CDIN1: variants seen among roughly 807,000 people sequenced by gnomAD.
CDIN1 encodes the protein CDAN1-interacting nuclease 1.
In CDIN1, 33 loss-of-function variants were observed where a neutral mutation model predicts 45.3. The ratio of observed to expected loss-of-function variants is 0.73; its 90% confidence interval spans 0.55 to 0.97. The LOEUF (loss-of-function observed/expected upper bound fraction) is 0.97, where lower values mean the gene tolerates loss of function less well. Among genes scored for constraint, CDIN1 ranks in the 50% least tolerant of loss-of-function variants. The pLI, the probability that CDIN1 is intolerant of heterozygous loss-of-function variation, is 0.00. For synonymous variants in CDIN1, 118 were observed against 124.4 expected (o/e 0.95, Z 0.34); for missense variants, 303 against 339.4 (o/e 0.89, Z 0.84).
At chr15:36,633,549 T>A (rs984197375) in intron 1 of CDIN1, among the ~76,000 whole-genome samples, 3 of 152,210 alleles carry the variant, frequency 2.0e-5, no homozygotes, top group Admixed American at 2.0e-4. Flanking sequence ...TCTATGCTGA[T>A]ACCTGGTTAG....
chr15:36,644,397 A>C, intron 2 of CDIN1, 74 bp downstream of exon 2: 1 of 1,458,394 alleles, frequency 6.9e-7, no homozygotes, highest in Non-Finnish European at 9.5e-7. Flanking sequence ...TTTCTTTGTA[A>C]TTGAACTGCC....
At chr15:36,705,477 A>C (rs970873607) in intron 8 of CDIN1, 1 of 152,176 alleles carries the variant, frequency 6.6e-6, no homozygotes, top group Non-Finnish European at 1.5e-5. Flanking sequence ...CTTGGTTGAC[A>C]TGGGCACATA....
intron 10 of CDIN1, among the ~76,000 whole-genome samples, chr15:36,748,777 T>C (rs1365864029): frequency 6.6e-6 from 1 of 152,006 alleles, no homozygotes; most frequent in Non-Finnish European, 1.5e-5. Flanking sequence ...GATTTGAGGG[T>C]CAGTTTTTTA....
intron 3 of CDIN1, among the ~76,000 whole-genome samples, chr15:36,649,368 A>G (rs1198180536): frequency 6.6e-6 from 1 of 152,198 alleles, no homozygotes; most frequent in Non-Finnish European, 1.5e-5. Flanking sequence ...CCTTAATACT[A>G]TATTAAGGTG....
At chr15:36,674,122 G>A (rs113180402) in intron 5 of CDIN1, among the ~76,000 whole-genome samples, 3 of 152,120 alleles carry the variant, frequency 2.0e-5, no homozygotes, top group African/African-American at 4.8e-5. Context: ...CTTAATAAGC[G>A]TATGCTTGTG....
intron 5 of CDIN1, among the ~76,000 whole-genome samples, chr15:36,678,743 G>A (rs1021397177): frequency 6.6e-6 from 1 of 152,162 alleles, no homozygotes; most frequent in Non-Finnish European, 1.5e-5. Context: ...GGATCCCAAC[G>A]ATATATGGTC....
At chr15:36,744,135 A>G (rs1194531633) in intron 10 of CDIN1, among the ~76,000 whole-genome samples, 4 of 152,066 alleles carry the variant, frequency 2.6e-5, no homozygotes, top group Admixed American at 1.3e-4. Context: ...CAATGAGGGG[A>G]CATAGCAAAA....
intron 1 of CDIN1, among the ~76,000 whole-genome samples, chr15:36,595,924 C>T (rs1380977644): frequency 2.6e-5 from 4 of 152,316 alleles, no homozygotes; most frequent in East Asian, 1.9e-4. Flanking sequence ...TCACAGTCAG[C>T]GGTGCCCACC....
chr15:36,653,411 G>A (rs577869985), intron 3 of CDIN1, among the ~76,000 whole-genome samples: 2 of 151,642 alleles, frequency 1.3e-5, no homozygotes, highest in East Asian at 3.9e-4. Flanking sequence ...TTAATGTGGG[G>A]CCTTGAAGTG....
At chr15:36,698,675 A>T (rs2042524761) in intron 8 of CDIN1, among the ~76,000 whole-genome samples, 1 of 152,180 alleles carries the variant, frequency 6.6e-6, no homozygotes, top group South Asian at 2.1e-4. Flanking sequence ...CCTATATGTC[A>T]TGGCCAAGTC....
intron 10 of CDIN1, among the ~76,000 whole-genome samples, chr15:36,759,446 G>C (rs1466059111): frequency 6.6e-6 from 1 of 151,720 alleles, no homozygotes; most frequent in African/African-American, 2.4e-5. Context: ...CCTCACAATT[G>C]CTCAGATAAA....
At chr15:36,588,034 GA>G (rs1481262005) in intron 1 of CDIN1, among the ~76,000 whole-genome samples, 1 of 152,138 alleles carries the variant, frequency 6.6e-6, no homozygotes, top group Non-Finnish European at 1.5e-5. Flanking sequence ...TACAGTAGAA[GA>G]AATGTCTGAG....
chr15:36,588,490 T>A (rs1481327706), intron 1 of CDIN1, among the ~76,000 whole-genome samples: 2 of 152,342 alleles, frequency 1.3e-5, no homozygotes, highest in Non-Finnish European at 2.9e-5. Flanking sequence ...TTTATTGAAC[T>A]GGAAATTCTA....
intron 10 of CDIN1, among the ~76,000 whole-genome samples, chr15:36,783,773 T>G (rs190081893): frequency 1.9e-4 from 29 of 152,300 alleles, no homozygotes; most frequent in African/African-American, 5.8e-4. Context: ...TGACAAACAC[T>G]GTACCACAAA....
At chr15:36,752,033 G>A (rs1191276910) in intron 10 of CDIN1, among the ~76,000 whole-genome samples, 1 of 152,130 alleles carries the variant, frequency 6.6e-6, no homozygotes, top group Admixed American at 6.6e-5. Context: ...AGGAAGAATA[G>A]CTAATGGATG....
chr15:36,638,182 G>A (rs962118751), intron 1 of CDIN1, among the ~76,000 whole-genome samples: 1 of 152,100 alleles, frequency 6.6e-6, no homozygotes, highest in Non-Finnish European at 1.5e-5. Flanking sequence ...TTATAAAAAA[G>A]TATGTTTAAC....
At chr15:36,649,389 C>T (rs544873118) in intron 3 of CDIN1, among the ~76,000 whole-genome samples, 16 of 152,286 alleles carry the variant, frequency 1.1e-4, no homozygotes, top group Non-Finnish European at 2.4e-4. Context: ...ACCTGGGCTC[C>T]ATTCCTGATG....
intron 5 of CDIN1, among the ~76,000 whole-genome samples, chr15:36,676,275 C>A (rs150855751): frequency 1.6e-3 from 239 of 152,236 alleles, no homozygotes; most frequent in African/African-American, 5.2e-3. Flanking sequence ...CCGTTAGATT[C>A]GGGAGCCTGC....
intron 5 of CDIN1, among the ~76,000 whole-genome samples, chr15:36,685,188 A>T (rs1438185975): frequency 6.7e-6 from 1 of 148,414 alleles, no homozygotes; most frequent in Non-Finnish European, 1.5e-5. Flanking sequence ...TCAATTTTGG[A>T]TCTTTCCTGC....
Sources: gnomAD v4.1 joint callset for allele counts (sites outside exome capture counted in the v4.1 genomes callset) on GRCh38, gnomAD v4.1.1 for gene constraint, MANE v1.5 for transcripts, NCBI Gene and HGNC (gene_info 2026-07-23, HGNC 2026-07-21) for gene names.